GALNT13: variants seen among roughly 807,000 people sequenced by gnomAD.
The protein encoded by GALNT13 is polypeptide N-acetylgalactosaminyltransferase 13.
A neutral mutation model predicts 64.2 loss-of-function variants in GALNT13; 28 were observed. The ratio of observed to expected loss-of-function variants is 0.44; its 90% confidence interval spans 0.32 to 0.60. The LOEUF (loss-of-function observed/expected upper bound fraction) is 0.60. Among genes scored for constraint, GALNT13 ranks in the 20% least tolerant of loss-of-function variants. The pLI, the probability that GALNT13 is intolerant of heterozygous loss-of-function variation, is 0.05. For missense variants in GALNT13, 577 were observed against 669.8 expected (o/e 0.86, Z 1.53); for synonymous variants, 214 against 224.6 (o/e 0.95, Z 0.42).
At chr2:154,448,496 G>A (rs1424717757) in intron 12 of GALNT13, among the ~76,000 whole-genome samples, 2 of 151,978 alleles carry the variant, frequency 1.3e-5, no homozygotes, top group Non-Finnish European at 2.9e-5. Context: ...TAAAGGACAG[G>A]AATTTACCTG....
the GALNT13 span, among the ~76,000 whole-genome samples, chr2:153,175,886 G>A: frequency 5.9e-5 from 9 of 152,104 alleles, no homozygotes; most frequent in African/African-American, 1.9e-4. Context: ...ACATGAGATA[G>A]GTGAAGAAAC....
At chr2:153,368,121 T>A in the GALNT13 span, among the ~76,000 whole-genome samples, 3 of 152,188 alleles carry the variant, frequency 2.0e-5, no homozygotes, top group East Asian at 3.9e-4. Flanking sequence ...ATAATGGAGA[T>A]CTATGTGCCA....
chr2:154,195,840 G>C (rs1161949742), intron 4 of GALNT13, among the ~76,000 whole-genome samples: 1 of 152,056 alleles, frequency 6.6e-6, no homozygotes, highest in Non-Finnish European at 1.5e-5. Flanking sequence ...TTTGCCACTG[G>C]GGAGCATCTA....
chr2:153,341,177 A>G, the GALNT13 span, among the ~76,000 whole-genome samples: 1 of 152,234 alleles, frequency 6.6e-6, no homozygotes, highest in African/African-American at 2.4e-5. Flanking sequence ...TTCTTTCTTT[A>G]CAAAGTTAAG....
the GALNT13 span, among the ~76,000 whole-genome samples, chr2:153,345,216 A>C: frequency 1.5e-4 from 23 of 152,320 alleles, no homozygotes; most frequent in African/African-American, 4.8e-4. Flanking sequence ...ATTATGAAAT[A>C]GTTGATTCCA....
chr2:154,250,837 A>T (rs1690030679), intron 7 of GALNT13, among the ~76,000 whole-genome samples: 1 of 152,102 alleles, frequency 6.6e-6, no homozygotes, highest in African/African-American at 2.4e-5. Context: ...CAAAGCCTTT[A>T]AAACACTTCT....
the GALNT13 span, among the ~76,000 whole-genome samples, chr2:153,288,151 C>A: frequency 2.6e-5 from 4 of 152,100 alleles, no homozygotes; most frequent in Non-Finnish European, 5.9e-5. Flanking sequence ...TAGAGCCTCA[C>A]GCATGTGCAA....
chr2:153,874,180 G>C (rs1686199309), intron 1 of GALNT13, among the ~76,000 whole-genome samples: 1 of 139,360 alleles, frequency 7.2e-6, no homozygotes, highest in Admixed American at 7.7e-5. Flanking sequence ...CGTTTGATTT[G>C]GGAATTGGAT....
intron 4 of GALNT13, among the ~76,000 whole-genome samples, chr2:154,145,072 CTA>C (rs1491587996): frequency 0.047 from 5,315 of 112,208 alleles, 155 homozygotes; most frequent in African/African-American, 0.11. Context: ...CTCTCTCTCT[CTA>C]TCTATCTATC....
At chr2:153,072,568 C>T in the GALNT13 span, among the ~76,000 whole-genome samples, 10 of 152,308 alleles carry the variant, frequency 6.6e-5, no homozygotes, top group Admixed American at 4.6e-4. Context: ...GCGTTCTCAT[C>T]TCTTACATGA....
At chr2:153,949,824 C>T (rs1692038489) in intron 3 of GALNT13, among the ~76,000 whole-genome samples, 1 of 151,976 alleles carries the variant, frequency 6.6e-6, no homozygotes. Context: ...TTGGAACATT[C>T]TTTATATGAC....
chr2:153,157,609 C>G, the GALNT13 span, among the ~76,000 whole-genome samples: 2 of 152,094 alleles, frequency 1.3e-5, no homozygotes, highest in Non-Finnish European at 2.9e-5. Context: ...TTCAGAAGAC[C>G]AATCCTGGAT....
chr2:154,271,303 G>T (rs2059334), intron 8 of GALNT13, among the ~76,000 whole-genome samples: 1 of 151,968 alleles, frequency 6.6e-6, no homozygotes, highest in Admixed American at 6.6e-5. Flanking sequence ...ATTACTGGCT[G>T]CAATGAAATA....
At chr2:154,137,943 G>A (rs569148561) in intron 3 of GALNT13, among the ~76,000 whole-genome samples, 10 of 152,142 alleles carry the variant, frequency 6.6e-5, no homozygotes, top group African/African-American at 2.2e-4. Context: ...CCTAAAAGAA[G>A]GTCACAAAGT....
At chr2:153,363,461 A>T in the GALNT13 span, among the ~76,000 whole-genome samples, 7 of 152,112 alleles carry the variant, frequency 4.6e-5, no homozygotes, top group Non-Finnish European at 1.0e-4. Flanking sequence ...TTTTTTGAAA[A>T]AATTAACAAA....
rs947507501 is a variant in GALNT13 at position 154,005,162 on chromosome 2, A to T, written c.142+60523A>T. Among the ~76,000 whole-genome samples the T allele has an allele frequency of 6.6e-5, 10 of 152,308 alleles. No homozygotes were observed. The East Asian group carries it at 1.2e-3, about 18-fold the overall frequency. On this transcript the variant is annotated intron_variant, in intron 3 of 12. Transcript: ENST00000392825. ...TCAGCTAATTGAATGTAAAATTTAT[A>T]TGATGGTTATATTGAAAATGATTTA...
At chr2:153,610,274 T>C in the GALNT13 span, among the ~76,000 whole-genome samples, 2 of 152,232 alleles carry the variant, frequency 1.3e-5, no homozygotes, top group Admixed American at 1.3e-4. Context: ...AAGCAAAAGC[T>C]TCATTTATTG....
intron 9 of GALNT13, among the ~76,000 whole-genome samples, chr2:154,387,132 A>G (rs1698551802): frequency 1.3e-5 from 2 of 152,154 alleles, no homozygotes; most frequent in South Asian, 4.1e-4. Flanking sequence ...CTGTCCACTG[A>G]CATGCTAATG....
At chr2:154,152,617 G>A (rs1162069876) in intron 4 of GALNT13, among the ~76,000 whole-genome samples, 1 of 152,056 alleles carries the variant, frequency 6.6e-6, no homozygotes, top group Non-Finnish European at 1.5e-5. Context: ...TTTCTTGGAG[G>A]CTTTGTTCAT....
Sources: allele counts gnomAD v4.1 joint callset (sites outside exome capture counted in the v4.1 genomes callset), GRCh38; gene constraint gnomAD v4.1.1; transcripts MANE v1.5; gene names NCBI Gene and HGNC (gene_info 2026-07-23, HGNC 2026-07-21).